SHISA9: variants seen among roughly 807,000 people sequenced by gnomAD.
The protein encoded by SHISA9 is protein shisa-9.
Under a neutral mutation model 38.0 loss-of-function variants are expected in SHISA9, and 13 were observed. The ratio of observed to expected loss-of-function variants is 0.34; its 90% CI spans 0.22 to 0.54. SHISA9 has a LOEUF of 0.54. Among genes scored for constraint, SHISA9 ranks in the 20% least tolerant of loss-of-function variants. The pLI, the probability that SHISA9 is intolerant of heterozygous loss-of-function variation, is 0.91. For synonymous variants in SHISA9, 275 were observed against 242.0 expected (o/e 1.14, Z -1.27); for missense variants, 538 against 575.8 (o/e 0.93, Z 0.67).
At chr16:13,543,739 C>G in the SHISA9 span, among the ~76,000 whole-genome samples, 1 of 152,158 alleles carries the variant, frequency 6.6e-6, no homozygotes, top group South Asian at 2.1e-4. Flanking sequence ...CCTTGCCTCC[C>G]AAATGCTGCT....
the SHISA9 span, among the ~76,000 whole-genome samples, chr16:13,403,404 A>G: frequency 5.3e-5 from 8 of 152,184 alleles, no homozygotes; most frequent in Non-Finnish European, 1.2e-4. Flanking sequence ...CATGCAGTAT[A>G]TCTTTGTGGA....
intron 2 of SHISA9, among the ~76,000 whole-genome samples, chr16:13,107,613 G>A (rs1181078358): frequency 6.6e-6 from 1 of 152,162 alleles, no homozygotes; most frequent in Non-Finnish European, 1.5e-5. Context: ...GGCTCTTCAG[G>A]GGGAAGCAGG....
At chr16:13,265,204 C>T in the SHISA9 span, among the ~76,000 whole-genome samples, 1 of 127,440 alleles carries the variant, frequency 7.8e-6, no homozygotes, top group South Asian at 3.1e-4. Flanking sequence ...CCTCCCTTTC[C>T]CTCCACTTCT....
At chr16:12,967,984 G>A (rs1474783449) in intron 2 of SHISA9, among the ~76,000 whole-genome samples, 1 of 152,074 alleles carries the variant, frequency 6.6e-6, no homozygotes. Flanking sequence ...TAGGTCAGGA[G>A]TTCAAGACCA....
chr16:13,272,310 T>A, the SHISA9 span, among the ~76,000 whole-genome samples: 1 of 152,126 alleles, frequency 6.6e-6, no homozygotes, highest in Admixed American at 6.6e-5. Context: ...AGTGTGGAAG[T>A]TGTACAATGA....
chr16:13,057,954 A>T (rs76827075), intron 2 of SHISA9, among the ~76,000 whole-genome samples: 5,219 of 152,224 alleles, frequency 0.034, 304 homozygotes, highest in African/African-American at 0.12. Flanking sequence ...TTCAAGCTCC[A>T]TCCATGCTCC....
chr16:12,908,504 G>A, intron 1 of SHISA9: 1 of 1,552,192 alleles, frequency 6.4e-7, no homozygotes, highest in Non-Finnish European at 8.7e-7. Context: ...GCTGTTTATG[G>A]AGGCACAGAT....
chr16:12,980,847 C>A (rs1365628210), intron 2 of SHISA9, among the ~76,000 whole-genome samples: 4 of 151,886 alleles, frequency 2.6e-5, no homozygotes, highest in African/African-American at 4.8e-5. Context: ...ATTATCCATT[C>A]ATTGTATTTT....
chr16:13,017,955 C>T (rs2072777780), intron 2 of SHISA9, among the ~76,000 whole-genome samples: 1 of 152,226 alleles, frequency 6.6e-6, no homozygotes, highest in Admixed American at 6.5e-5. Context: ...CCTGTATTCC[C>T]TTCTCAAAGG....
chr16:13,447,180 C>T, the SHISA9 span, among the ~76,000 whole-genome samples: 1 of 152,146 alleles, frequency 6.6e-6, no homozygotes, highest in East Asian at 1.9e-4. Flanking sequence ...GCTGAAGACA[C>T]CACCCTGTCC....
chr16:13,186,287 C>A (rs992111155), intron 2 of SHISA9, among the ~76,000 whole-genome samples: 1 of 123,828 alleles, frequency 8.1e-6, no homozygotes, highest in African/African-American at 3.2e-5. Flanking sequence ...ACCATCTTAA[C>A]CTTTTTTTTT....
the SHISA9 span, among the ~76,000 whole-genome samples, chr16:13,416,129 G>GAA: frequency 1.3e-5 from 2 of 151,596 alleles, no homozygotes; most frequent in African/African-American, 4.8e-5. Context: ...TATTCTACAT[G>GAA]AAAAAAAACC....
the SHISA9 span, among the ~76,000 whole-genome samples, chr16:13,403,127 A>G: frequency 6.7e-6 from 1 of 149,622 alleles, no homozygotes; most frequent in African/African-American, 2.5e-5. Context: ...AAAAAAAACC[A>G]AAGAAATTTC....
At chr16:13,271,488 G>A in the SHISA9 span, among the ~76,000 whole-genome samples, 28 of 152,136 alleles carry the variant, frequency 1.8e-4, no homozygotes, top group Non-Finnish European at 8.8e-5. Flanking sequence ...GTGTAAGTCA[G>A]CGTGTACGGT....
At chr16:13,070,267 G>A (rs779982406) in intron 2 of SHISA9, among the ~76,000 whole-genome samples, 7 of 151,722 alleles carry the variant, frequency 4.6e-5, no homozygotes, top group Non-Finnish European at 8.8e-5. Flanking sequence ...TCTGTCCCCC[G>A]GACTCTGCCT....
At chr16:13,325,939 T>C in the SHISA9 span, among the ~76,000 whole-genome samples, 4 of 149,870 alleles carry the variant, frequency 2.7e-5, no homozygotes, top group African/African-American at 4.9e-5. Context: ...TTAGGACAAA[T>C]ACCTAATGCA....
chr16:13,394,927 G>A, the SHISA9 span, among the ~76,000 whole-genome samples: 1 of 124,666 alleles, frequency 8.0e-6, no homozygotes, highest in East Asian at 2.3e-4. Context: ...GCAGTATCTG[G>A]GGTGTGTGTG....
Position 12,908,661 on chromosome 16 carries a change from G to A in SHISA9, c.563+6034G>A. 3 of 1,544,058 alleles carry A rather than the reference G, an allele frequency of 1.9e-6. No homozygotes were observed. The South Asian group carries it at 3.6e-5, about 19-fold the overall frequency. On this transcript the variant is annotated intron_variant, in intron 1 of 4. Coordinates refer to ENST00000558583, the MANE Select transcript of SHISA9 (RefSeq NM_001145204.3). ...AATTCCAGACTTCTCAGATCACAGA[G>A]AAGTACGCGATGCCCTGCAAACAAC...
chr16:13,277,673 T>C, the SHISA9 span, among the ~76,000 whole-genome samples: 1 of 151,894 alleles, frequency 6.6e-6, no homozygotes, highest in Admixed American at 6.6e-5. Flanking sequence ...TTTTTTCTTT[T>C]TTTGCAGCTA....
Sources: gnomAD v4.1 joint callset for allele counts (sites outside exome capture counted in the v4.1 genomes callset) on GRCh38, gnomAD v4.1.1 for gene constraint, MANE v1.5 for transcripts, NCBI Gene and HGNC (gene_info 2026-07-23, HGNC 2026-07-21) for gene names.